Variants in WWOX observed in about 807,000 individuals in gnomAD.
WWOX encodes WW domain containing oxidoreductase, also known as WW domain-containing oxidoreductase.
WWOX carries 69 observed loss-of-function variants against 46.2 expected under a neutral mutation model. The observed-to-expected ratio is 1.49, with a 90% CI of 1.23 to 1.82. WWOX has a LOEUF of 1.82. Ranked by LOEUF, WWOX falls within the 40% of genes most tolerant of loss-of-function variation. The pLI is 0.00. For missense variants in WWOX, 919 were observed against 542.6 expected (o/e 1.69, Z -6.89); for synonymous variants, 359 against 202.6 (o/e 1.77, Z -6.56).
chr16:79,087,474 G>A (rs983862578), intron 8 of WWOX, among the ~76,000 whole-genome samples: 2 of 152,176 alleles, frequency 1.3e-5, no homozygotes, highest in African/African-American at 4.8e-5. Flanking sequence ...GGCAAGGCTT[G>A]GAATAACTTG....
intron 8 of WWOX, among the ~76,000 whole-genome samples, chr16:78,880,911 C>G (rs1210445007): frequency 6.6e-6 from 1 of 151,862 alleles, no homozygotes; most frequent in Non-Finnish European, 1.5e-5. Context: ...GTATAAGACC[C>G]TGACTCCTGT....
Position 79,121,201 on chromosome 16 carries a change from T to A in WWOX, c.1057-90407T>A, listed in dbSNP as rs527890802. 4.8e-3 allele frequency among the ~76,000 whole-genome samples: 724 copies of A among 152,288 alleles called. 5 individuals carry two copies. Among genetic ancestry groups the A allele is most frequent in the African/African-American group, 0.016 (658 of 41,544 alleles). ...TTCCAAATAGAGTCACAGTTACAGG[T>A]TCCGGGGAGTTGACATGGGTATCCT... is the stretch of plus-strand genomic sequence containing the variant. On this transcript the variant is annotated intron_variant, in intron 8 of 8. Coordinates refer to ENST00000566780, the MANE Select transcript of WWOX (RefSeq NM_016373.4).
intron 8 of WWOX, among the ~76,000 whole-genome samples, chr16:78,856,557 C>G (rs1421929060): frequency 7.9e-5 from 12 of 152,078 alleles, no homozygotes; most frequent in Admixed American, 2.0e-4. Context: ...GCAGGAGAAT[C>G]CCTTGAACCC....
intron 5 of WWOX, among the ~76,000 whole-genome samples, chr16:78,373,331 C>G (rs2081739800): frequency 6.6e-6 from 1 of 152,190 alleles, no homozygotes; most frequent in Non-Finnish European, 1.5e-5. Flanking sequence ...GTAGGATATC[C>G]AAGCTCATTT....
chr16:78,370,303 G>A (rs2081642703), intron 5 of WWOX, among the ~76,000 whole-genome samples: 1 of 152,106 alleles, frequency 6.6e-6, no homozygotes. Context: ...TTACCTCAGA[G>A]AGTTGTTAAA....
intron 8 of WWOX, among the ~76,000 whole-genome samples, chr16:79,172,480 G>T (rs1051931287): frequency 6.6e-6 from 1 of 152,208 alleles, no homozygotes; most frequent in Non-Finnish European, 1.5e-5. Flanking sequence ...CCCGAGCCCT[G>T]TGTCTGGCTC....
intron 8 of WWOX, among the ~76,000 whole-genome samples, chr16:78,856,380 C>T (rs1035846905): frequency 4.6e-5 from 7 of 152,122 alleles, no homozygotes; most frequent in East Asian, 3.9e-4. Context: ...CAGTGGCTCA[C>T]GCCTGTAATC....
intron 6 of WWOX, among the ~76,000 whole-genome samples, chr16:78,406,321 T>A (rs1166108247): frequency 2.5e-5 from 2 of 80,832 alleles, no homozygotes; most frequent in Admixed American, 1.1e-4. Flanking sequence ...TATATATATA[T>A]ATATATATAT....
chr16:78,334,469 G>A (rs1465675935), intron 5 of WWOX, among the ~76,000 whole-genome samples: 1 of 152,064 alleles, frequency 6.6e-6, no homozygotes, highest in African/African-American at 2.4e-5. Context: ...AAGCACTTTC[G>A]GTGAGGTGTT....
chr16:78,756,382 G>C (rs575700912), intron 8 of WWOX, among the ~76,000 whole-genome samples: 462 of 152,226 alleles, frequency 3.0e-3, no homozygotes, highest in African/African-American at 0.01. Flanking sequence ...GGTTGAGATA[G>C]GACAGAACTC....
chr16:79,075,530 A>G (rs2150573067), intron 8 of WWOX, among the ~76,000 whole-genome samples: 1 of 144,482 alleles, frequency 6.9e-6, no homozygotes, highest in Non-Finnish European at 1.5e-5. Context: ...ACCTCTGGCG[A>G]TTTTTCCTTT....
chr16:78,861,306 A>C (rs1038502622), intron 8 of WWOX, among the ~76,000 whole-genome samples: 3 of 152,230 alleles, frequency 2.0e-5, no homozygotes, highest in African/African-American at 7.2e-5. Context: ...GCATCCATCC[A>C]TCCACCTATC....
intron 8 of WWOX, among the ~76,000 whole-genome samples, chr16:78,542,232 G>A (rs1290072799): frequency 1.3e-5 from 2 of 152,002 alleles, no homozygotes; most frequent in Admixed American, 6.6e-5. Flanking sequence ...CCGGATGGAT[G>A]AACCTACGTA....
intron 8 of WWOX, among the ~76,000 whole-genome samples, chr16:78,892,939 C>G (rs927866478): frequency 9.2e-5 from 14 of 152,172 alleles, no homozygotes; most frequent in African/African-American, 3.4e-4. Context: ...TCTTTTCTGT[C>G]CTTAAGCACT....
chr16:78,255,581 T>G (rs910449681), intron 5 of WWOX, among the ~76,000 whole-genome samples: 10 of 152,088 alleles, frequency 6.6e-5, no homozygotes, highest in African/African-American at 2.4e-4. Flanking sequence ...CCTGATGTCT[T>G]TTGGGGAAGG....
chr16:78,811,714 G>T (rs1461834283), intron 8 of WWOX, among the ~76,000 whole-genome samples: 2 of 151,908 alleles, frequency 1.3e-5, no homozygotes, highest in African/African-American at 4.8e-5. Context: ...CTCATGAGGG[G>T]ACCCATCCTC....
At chr16:78,356,338 G>T (rs899326247) in intron 5 of WWOX, among the ~76,000 whole-genome samples, 14 of 151,552 alleles carry the variant, frequency 9.2e-5, no homozygotes, top group Admixed American at 2.6e-4. Context: ...TACTCAACTT[G>T]TTTAAAATAA....
At chr16:78,869,995 C>T (rs911351621) in intron 8 of WWOX, among the ~76,000 whole-genome samples, 1 of 152,180 alleles carries the variant, frequency 6.6e-6, no homozygotes, top group Non-Finnish European at 1.5e-5. Flanking sequence ...TGACACAGAT[C>T]AAAGTCTCTC....
intron 8 of WWOX, among the ~76,000 whole-genome samples, chr16:78,884,973 A>AC (rs2044423008): frequency 6.6e-6 from 1 of 152,048 alleles, no homozygotes; most frequent in Admixed American, 6.6e-5. Context: ...ACCCTCTGAG[A>AC]CCCCACCAAG....
Sources: allele counts gnomAD v4.1 joint callset (sites outside exome capture counted in the v4.1 genomes callset), GRCh38; gene constraint gnomAD v4.1.1; transcripts MANE v1.5; gene names NCBI Gene and HGNC (gene_info 2026-07-23, HGNC 2026-07-21).